NPTN: variants seen among roughly 807,000 people sequenced by gnomAD.
NPTN encodes neuroplastin.
In NPTN, 5 loss-of-function variants were observed where a neutral mutation model predicts 42.7. That is an observed-to-expected ratio of 0.12 (90% CI 0.06 to 0.25). The LOEUF is 0.25. NPTN is among the 10% of genes least tolerant of loss of function. The pLI is 1.00. For missense variants in NPTN, 307 were observed against 525.4 expected, an observed-to-expected ratio of 0.58 and a Z score of 4.06; for synonymous variants, 180 against 201.9, an observed-to-expected ratio of 0.89 and a Z score of 0.92.
intron 6 of NPTN, chr15:73,568,408 T>G: frequency 2.0e-6 from 2 of 985,414 alleles, no homozygotes; most frequent in Non-Finnish European, 2.4e-6. Context: ...GAAGGTGGTA[T>G]TGGCAAAGCA....
intron 2 of NPTN, 105 bp from the exon 3 acceptor site, chr15:73,592,242 G>T: frequency 2.3e-6 from 2 of 886,682 alleles, no homozygotes; most frequent in South Asian, 2.1e-5. Context: ...AAAAGAGGGA[G>T]GGCAGACAGG....
chr15:73,620,541 T>C (rs1898083118), intron 1 of NPTN, among the ~76,000 whole-genome samples: 1 of 152,206 alleles, frequency 6.6e-6, no homozygotes, highest in Non-Finnish European at 1.5e-5. Context: ...AGGAAAAGTC[T>C]TGCACAGTAA....
chr15:73,615,696 T>C (rs1041310297), intron 1 of NPTN, among the ~76,000 whole-genome samples: 2 of 152,180 alleles, frequency 1.3e-5, no homozygotes, highest in African/African-American at 4.8e-5. Flanking sequence ...AAAAAGTCTA[T>C]GTGGGCCTAT....
chr15:73,611,436 C>A (rs1897575862), intron 1 of NPTN, among the ~76,000 whole-genome samples: 1 of 151,994 alleles, frequency 6.6e-6, no homozygotes, highest in African/African-American at 2.4e-5. Context: ...AACTCTCAAG[C>A]CATGAAAAGC....
chr15:73,561,803 T>A, intron 8 of NPTN, 93 bp downstream of exon 8: 1 of 943,178 alleles, frequency 1.1e-6, no homozygotes. Context: ...AAATATCTTA[T>A]AACACCAATT....
chr15:73,599,625 G>C (rs1308897712), intron 1 of NPTN: 1 of 113,674 alleles, frequency 8.8e-6, no homozygotes, highest in African/African-American at 3.5e-5. Flanking sequence ...AAAAAAAAAA[G>C]AAAGAAAGAA....
intron 4 of NPTN, among the ~76,000 whole-genome samples, chr15:73,584,662 C>G (rs1259765002): frequency 6.6e-6 from 1 of 151,580 alleles, no homozygotes; most frequent in African/African-American, 2.4e-5. Flanking sequence ...CGGCCCTGCT[C>G]CATCTTCCTT....
chr15:73,564,890 C>G (rs1894890648), intron 6 of NPTN, among the ~76,000 whole-genome samples: 1 of 152,192 alleles, frequency 6.6e-6, no homozygotes, highest in Non-Finnish European at 1.5e-5. Context: ...CAAGAATACA[C>G]CAATCTACTC....
Position 73,567,772 on chromosome 15 carries a change from G to C in NPTN, c.1114+2378C>G. On this transcript the variant is annotated intron_variant, in intron 6 of 8. Coordinates refer to ENST00000345330, the MANE Select transcript of NPTN (RefSeq NM_012428.4). ...AGCAAGGGCAGGGTGTGAAGATGGA[G>C]AGTGGAGCCTGGCCCACACTGGCTG... The C allele has an allele frequency of 4.1e-6, 4 of 985,426 alleles. No individual in the cohort carries two copies. The South Asian group carries it at 1.9e-4, about 46-fold the overall frequency. The allele number at this position is 985,426 out of a possible 1,614,324, so 61.0% of individuals were successfully genotyped here. A position where few individuals can be genotyped will look rare whatever the true frequency, so the allele number is the denominator to read the frequency against.
intron 1 of NPTN, among the ~76,000 whole-genome samples, chr15:73,625,009 A>G (rs528186245): frequency 1.4e-4 from 22 of 152,362 alleles, no homozygotes; most frequent in African/African-American, 5.0e-4. Flanking sequence ...ATAATGACTA[A>G]TAACAGTATA....
intron 1 of NPTN, among the ~76,000 whole-genome samples, chr15:73,619,106 T>G (rs551417692): frequency 6.6e-6 from 1 of 151,116 alleles, no homozygotes; most frequent in South Asian, 2.1e-4. Context: ...TAACTTAAAT[T>G]AAAAAATTTA....
At position 73,567,699 on chromosome 15, in the gene NPTN, G is replaced by C. The variant is rs1389203258; in HGVS notation, c.1114+2451C>G. ...GGGGTGGAAGCAGGATGGAGTTTGA[G>C]AGAAAGACAGAAAGAGACAGAGGAG... On this transcript the variant is annotated intron_variant, in intron 6 of 8. Transcript: ENST00000345330. 3.0e-6 allele frequency: 3 copies of C among 985,288 alleles called. No individual in the cohort carries two copies. The African/African-American group carries it at 5.2e-5, about 17-fold the overall frequency. The allele number at this position is 985,288 out of a possible 1,614,324, so 61.0% of individuals were successfully genotyped here.
intron 1 of NPTN, among the ~76,000 whole-genome samples, chr15:73,612,646 T>G (rs2141453965): frequency 6.6e-6 from 1 of 152,256 alleles, no homozygotes; most frequent in Non-Finnish European, 1.5e-5. Context: ...GGCCAGTGCC[T>G]GTAGTCTCAG....
rs1390512980 is a variant in NPTN at position 73,570,347 on chromosome 15, T to C, written c.917A>G (p.Gln306Arg). The C allele has an allele frequency of 1.3e-5, 21 of 1,614,142 alleles. No individual in the cohort carries two copies. Among genetic ancestry groups the C allele is most frequent in the Non-Finnish European group, 1.7e-5 (20 of 1,180,018 alleles). The part of the protein sequence containing the change: ...NYTELNIVNL[Q>R]ITEDPGEYEC... ...ATACTCGCCAGGGTCTTCCGTGATC[T>C]GCAGGTTCACAATGTTCAACTCAGT... Residue 306 changes from glutamine (Q) to arginine (R), a missense_variant, in exon 6 of 9, where the codon CAG (glutamine) becomes CGG (arginine). Gln to Arg is a conservative substitution (Grantham distance 43). This residue lies in a region of NPTN where 264 missense variants were observed against 491.1 expected (regional missense o/e 0.54). Coordinates refer to ENST00000345330, the MANE Select transcript of NPTN (RefSeq NM_012428.4). The surrounding 1 kb of genome is among the most constrained non-coding windows in gnomAD (Gnocchi z 4.0).
intron 4 of NPTN, among the ~76,000 whole-genome samples, chr15:73,574,671 C>T (rs144851743): frequency 0.029 from 4,415 of 152,266 alleles, 249 homozygotes; most frequent in African/African-American, 0.1. Context: ...CCTTGGCCTC[C>T]CAAAGTGCTG....
Position 73,633,113 on chromosome 15 carries a change from C to A in NPTN, c.91+12G>T. The A allele has an allele frequency of 6.9e-7, 1 of 1,455,620 alleles. No individual in the cohort carries two copies. Among genetic ancestry groups the A allele is most frequent in the Non-Finnish European group, 9.0e-7 (1 of 1,108,448 alleles). The allele number at this position is 1,455,620 out of a possible 1,614,324, so 90.2% of individuals were successfully genotyped here. ...CAACCCCCGCCCGGCCCGCCCCCGG[C>A]GCCCCGCTTACCGTTCTGAGCGGCG... On this transcript the variant is annotated intron_variant, in intron 1 of 8. Transcript: ENST00000345330.
intron 4 of NPTN, among the ~76,000 whole-genome samples, chr15:73,576,146 G>A (rs1426138936): frequency 6.6e-6 from 1 of 152,126 alleles, no homozygotes; most frequent in South Asian, 2.1e-4. Flanking sequence ...TGCCCGAAGG[G>A]TTACCATGTG....
At chr15:73,610,384 C>A (rs1273495476) in intron 1 of NPTN, among the ~76,000 whole-genome samples, 1 of 152,234 alleles carries the variant, frequency 6.6e-6, no homozygotes, top group African/African-American at 2.4e-5. Context: ...GCATGAGCCA[C>A]TGTACTGGCC....
intron 1 of NPTN, among the ~76,000 whole-genome samples, chr15:73,607,714 A>G (rs1415535563): frequency 6.6e-6 from 1 of 152,224 alleles, no homozygotes; most frequent in Non-Finnish European, 1.5e-5. Flanking sequence ...CAGAAATCAC[A>G]CTGAGAACTT....
Sources: allele counts gnomAD v4.1 joint callset (sites outside exome capture counted in the v4.1 genomes callset), GRCh38; gene constraint gnomAD v4.1.1; regional missense constraint gnomAD v4.1.1; non-coding constraint Gnocchi (gnomAD v3.1); transcripts MANE v1.5; gene names NCBI Gene and HGNC (gene_info 2026-07-23, HGNC 2026-07-21).